Variants in PCCA observed in about 807,000 individuals in gnomAD.
PCCA encodes the protein propionyl-CoA carboxylase alpha chain, mitochondrial.
Under a neutral mutation model 101.3 loss-of-function variants are expected in PCCA, and 74 were observed. The ratio of observed to expected loss-of-function variants is 0.73; its 90% CI spans 0.61 to 0.89. The LOEUF (loss-of-function observed/expected upper bound fraction) is 0.89, where lower values mean the gene tolerates loss of function less well. Among genes scored for constraint, PCCA ranks in the 40% least tolerant of loss-of-function variants. The pLI, the probability that PCCA is intolerant of heterozygous loss-of-function variation, is 0.00. For synonymous variants in PCCA, 294 were observed against 313.6 expected, an observed-to-expected ratio of 0.94 and a Z score of 0.66; for missense variants, 891 against 907.0, an observed-to-expected ratio of 0.98 and a Z score of 0.23.
chr13:100,129,755 C>T lies in PCCA; in HGVS notation c.300+17694C>T, dbSNP rs904110953. ...GTTGCAGACAATACTTGGTGGCCTC[C>T]TCTTCAGGCCAAGGGCAGTTCCTCT... On this transcript the variant is annotated intron_variant, in intron 4 of 23. Transcript: ENST00000376285. 3.9e-5 allele frequency among the ~76,000 whole-genome samples: 6 copies of T among 152,176 alleles called. No individual in the cohort carries two copies. The East Asian group carries it at 1.2e-3, about 29-fold the overall frequency.
intron 12 of PCCA, among the ~76,000 whole-genome samples, chr13:100,290,205 TTCTC>T (rs1174268374): frequency 6.6e-6 from 1 of 151,984 alleles, no homozygotes; most frequent in East Asian, 1.9e-4. Context: ...TTTTTTTTAT[TTCTC>T]TCTCTCTCTT....
At chr13:100,417,026 A>G (rs1421778052) in intron 19 of PCCA, among the ~76,000 whole-genome samples, 1 of 151,852 alleles carries the variant, frequency 6.6e-6, no homozygotes, top group Non-Finnish European at 1.5e-5. Context: ...TATTTTTAGT[A>G]GAGACGGGGT....
At chr13:100,211,278 CT>C (rs2059196383) in intron 7 of PCCA, among the ~76,000 whole-genome samples, 1 of 152,208 alleles carries the variant, frequency 6.6e-6, no homozygotes, top group South Asian at 2.1e-4. Flanking sequence ...TTCTTTCTCT[CT>C]TCCCCTTTCA....
At chr13:100,411,595 C>A (rs1469538818) in intron 19 of PCCA, among the ~76,000 whole-genome samples, 2 of 152,170 alleles carry the variant, frequency 1.3e-5, no homozygotes, top group Non-Finnish European at 2.9e-5. Flanking sequence ...AATAAATATA[C>A]CGTAGAATGG....
chr13:100,492,445 C>G (rs571424196), intron 21 of PCCA, among the ~76,000 whole-genome samples: 1 of 152,104 alleles, frequency 6.6e-6, no homozygotes, highest in East Asian at 2.0e-4. Context: ...ACTGTCTTCT[C>G]TCTAAGCAGT....
At chr13:100,512,606 C>CTGCCTGTCA (rs2086567028) in intron 21 of PCCA, among the ~76,000 whole-genome samples, 1 of 152,202 alleles carries the variant, frequency 6.6e-6, no homozygotes, top group Admixed American at 6.5e-5. Context: ...GGCAGCCCAG[C>CTGCCTGTCA]CCCACCCACA....
At chr13:100,307,456 C>T (rs1206003080) in intron 15 of PCCA, among the ~76,000 whole-genome samples, 196 bp downstream of exon 15, 1 of 152,146 alleles carries the variant, frequency 6.6e-6, no homozygotes, top group East Asian at 1.9e-4. Context: ...AGTACTCCTC[C>T]TCCCCAACTA....
At chr13:100,234,932 A>G (rs1038275709) in intron 7 of PCCA, among the ~76,000 whole-genome samples, 3 of 151,566 alleles carry the variant, frequency 2.0e-5, no homozygotes, top group Non-Finnish European at 2.9e-5. Flanking sequence ...ATACCCACAC[A>G]CACGAAGGAG....
chr13:100,329,053 C>T (rs953838427), intron 16 of PCCA, among the ~76,000 whole-genome samples: 69 of 147,722 alleles, frequency 4.7e-4, no homozygotes, highest in African/African-American at 1.5e-3. Flanking sequence ...TTTATTGAAA[C>T]GACATTTATT....
Position 100,297,321 on chromosome 13 carries a change from C to T in PCCA, c.1066-4139C>T, listed in dbSNP as rs575822381. On this transcript the variant is annotated intron_variant, in intron 12 of 23. Transcript: ENST00000376285. ...ACTTTCACTCACTAGCTTTAGCATA[C>T]TTCCTAGTTTGTATTTAGTGAGGAA... is the stretch of plus-strand genomic sequence containing the variant. Among the ~76,000 whole-genome samples the T allele has an allele frequency of 2.3e-4, 35 of 152,326 alleles. No individual in the cohort carries two copies. In the East Asian group the frequency reaches 4.4e-3, roughly 19 times the overall value.
chr13:100,374,058 G>C (rs565542762), intron 19 of PCCA, among the ~76,000 whole-genome samples: 3 of 152,228 alleles, frequency 2.0e-5, no homozygotes, highest in Admixed American at 1.3e-4. Flanking sequence ...GTTGCAGTGA[G>C]CTGAGATCAC....
chr13:100,402,566 A>C (rs2077431558), intron 19 of PCCA, among the ~76,000 whole-genome samples: 2 of 152,198 alleles, frequency 1.3e-5, no homozygotes, highest in Non-Finnish European at 2.9e-5. Context: ...GCCCACCCTC[A>C]CGAACTTCCA....
intron 19 of PCCA, among the ~76,000 whole-genome samples, chr13:100,384,060 CTG>C (rs1231614711): frequency 6.8e-6 from 1 of 147,496 alleles, no homozygotes; most frequent in African/African-American, 2.5e-5. Context: ...AGAGCTCACT[CTG>C]TTGCCCAGGC....
intron 18 of PCCA, among the ~76,000 whole-genome samples, chr13:100,367,648 T>G (rs1003741450): frequency 1.1e-4 from 17 of 150,674 alleles, no homozygotes; most frequent in East Asian, 1.9e-4. Flanking sequence ...TTTTTTTGTT[T>G]TTTTTTTTTT....
At chr13:100,353,108 A>G (rs1368384057) in intron 18 of PCCA, among the ~76,000 whole-genome samples, 1 of 152,256 alleles carries the variant, frequency 6.6e-6, no homozygotes. Flanking sequence ...AAGTATAAAC[A>G]TATATGTACC....
chr13:100,316,095 A>G (rs562289742), intron 16 of PCCA, among the ~76,000 whole-genome samples: 27 of 152,242 alleles, frequency 1.8e-4, no homozygotes, highest in African/African-American at 6.5e-4. Context: ...TGGCTTTAGG[A>G]TTAATTAATG....
intron 22 of PCCA, among the ~76,000 whole-genome samples, chr13:100,516,549 T>C (rs542628247): frequency 2.6e-4 from 39 of 152,358 alleles, no homozygotes; most frequent in African/African-American, 9.4e-4. Flanking sequence ...GAAAACCGAC[T>C]TAACAGCTGC....
intron 18 of PCCA, among the ~76,000 whole-genome samples, chr13:100,348,306 T>C (rs1206856395): frequency 6.6e-6 from 1 of 152,178 alleles, no homozygotes; most frequent in Non-Finnish European, 1.5e-5. Context: ...TACATACCCC[T>C]AGTATTTGGA....
intron 8 of PCCA, among the ~76,000 whole-genome samples, chr13:100,239,358 A>G (rs567128414): frequency 6.6e-6 from 1 of 152,330 alleles, no homozygotes; most frequent in Non-Finnish European, 1.5e-5. Flanking sequence ...CAATGGGATT[A>G]GAGGATGGCA....
Sources: allele counts gnomAD v4.1 joint callset (sites outside exome capture counted in the v4.1 genomes callset), GRCh38; gene constraint gnomAD v4.1.1; transcripts MANE v1.5; gene names NCBI Gene and HGNC (gene_info 2026-07-23, HGNC 2026-07-21).